PPP4R2: variants seen among roughly 807,000 people sequenced by gnomAD.
The protein encoded by PPP4R2 is serine/threonine-protein phosphatase 4 regulatory subunit 2.
A neutral mutation model predicts 47.2 loss-of-function variants in PPP4R2; 13 were observed. That is an observed-to-expected ratio of 0.28 (90% CI 0.18 to 0.44). PPP4R2 has a LOEUF of 0.44. Among genes scored for constraint, PPP4R2 ranks in the 20% least tolerant of loss-of-function variants. The probability of loss-of-function intolerance (pLI) is 1.00; values close to 1 mark genes in which losing one functional copy is unlikely to be tolerated. For synonymous variants in PPP4R2, 151 were observed against 163.3 expected, an observed-to-expected ratio of 0.92 and a Z score of 0.57; for missense variants, 421 against 491.2, an observed-to-expected ratio of 0.86 and a Z score of 1.35.
At chr3:73,060,867 G>GTA (rs1702844010) in intron 4 of PPP4R2, among the ~76,000 whole-genome samples, 156 bp from the exon 5 acceptor site, 1 of 151,986 alleles carries the variant, frequency 6.6e-6, no homozygotes, top group Non-Finnish European at 1.5e-5. Context: ...AGTTTTTGCT[G>GTA]TTTCACCAGT....
intron 2 of PPP4R2, among the ~76,000 whole-genome samples, chr3:73,029,318 C>G (rs1471732227): frequency 1.3e-5 from 2 of 152,156 alleles, no homozygotes; most frequent in Admixed American, 6.5e-5. Flanking sequence ...AATGGCTGTG[C>G]TGAAAATATA....
At chr3:73,047,865 C>T (rs7613258) in intron 3 of PPP4R2, among the ~76,000 whole-genome samples, 80,156 of 151,880 alleles carry the variant, frequency 0.53, 21,512 homozygotes, top group African/African-American at 0.62. Flanking sequence ...TAAAACTCCC[C>T]GGTTTTTTTG....
At chr3:73,034,018 G>A (rs1056678996) in intron 2 of PPP4R2, among the ~76,000 whole-genome samples, 1 of 152,200 alleles carries the variant, frequency 6.6e-6, no homozygotes, top group Non-Finnish European at 1.5e-5. Flanking sequence ...GTTCCCATCA[G>A]CAGTGCCCAT....
rs755800003 is a variant in PPP4R2 at position 73,059,088 on chromosome 3, A to C, written c.339A>C (p.Arg113Ser). ...RLCELLTDPR[R>S]NYTGTDKFLR... ...GTGAATTGTTAACAGATCCAAGGAG[A>C]AACTATACAGGAACAGACAAATTTC... The change falls in exon 4 of 9, where the codon AGA becomes AGC. Residue 113 changes from arginine (R) to serine (S), a missense_variant. Arg to Ser is a moderately radical substitution (Grantham distance 110). Around this residue, in one of 2 missense-constraint regions of PPP4R2, gnomAD observed 104 missense variants for 203.7 expected, o/e 0.51. Transcript: ENST00000356692. 2 of 1,592,426 alleles carry C rather than the reference A, an allele frequency of 1.3e-6. No individual in the cohort carries two copies. The highest frequency in any genetic ancestry group is 1.1e-5 in the South Asian group (1 of 87,898).
At chr3:73,062,076 C>T in intron 5 of PPP4R2, 1 of 1,528,588 alleles carries the variant, frequency 6.5e-7, no homozygotes, top group Middle Eastern at 2.3e-4. Flanking sequence ...GTCATAGCGA[C>T]TAATAATGGG....
In PPP4R2 at chr3:73,066,627, G is replaced by C. The variant is rs1703002366; in HGVS notation, c.*905G>C. 6.6e-6 allele frequency: 1 copy of C among 152,042 alleles called. No individual in the cohort carries two copies. Among genetic ancestry groups the C allele is most frequent in the South Asian group, 2.1e-4 (1 of 4,832 alleles). The allele number at this position is 152,042 out of a possible 1,614,324, so 9.4% of individuals were successfully genotyped here. A position where few individuals can be genotyped will look rare whatever the true frequency, so the allele number is the denominator to read the frequency against. The stretch of plus-strand genomic sequence containing the variant: ...AAGCTGATATGAGACCATCTCAGAA[G>C]AACCAAGTAGGTTCCTTGACCTTTT... On this transcript the variant is annotated 3_prime_UTR_variant, in exon 9 of 9. Coordinates refer to ENST00000356692, the MANE Select transcript of PPP4R2 (RefSeq NM_174907.4).
chr3:73,002,398 G>C (rs1701486322), intron 2 of PPP4R2, among the ~76,000 whole-genome samples: 1 of 152,056 alleles, frequency 6.6e-6, no homozygotes, highest in Non-Finnish European at 1.5e-5. Context: ...CTTACAGATA[G>C]GGTACATGCC....
Position 73,032,027 on chromosome 3 carries a change from G to A in PPP4R2, c.117-15159G>A, listed in dbSNP as rs138316096. ...GTTATCTGCCTTAGGCCCTACAAAT[G>A]AGAAAGTGTTTGAAATACCTGGTCA... On this transcript the variant is annotated intron_variant, in intron 2 of 8. Transcript: ENST00000356692. 8.5e-5 allele frequency among the ~76,000 whole-genome samples: 13 copies of A among 152,326 alleles called. No individual in the cohort carries two copies. The East Asian group carries it at 2.1e-3, about 25-fold the overall frequency.
intron 2 of PPP4R2, among the ~76,000 whole-genome samples, chr3:73,005,586 C>T (rs1346388283): frequency 2.6e-5 from 4 of 151,832 alleles, no homozygotes; most frequent in Non-Finnish European, 5.9e-5. Context: ...CGGTGGCTCA[C>T]GCCTGTAATC....
rs959422693 is a variant in PPP4R2 at position 73,067,523 on chromosome 3, C to T, written c.*1801C>T. ...AAAATCTGAATATTGATTTACTATACCCAAGAGGGGAGAAAAATTAACCAT... is the reference window on the plus strand; with the variant it reads ...AAAATCTGAATATTGATTTACTATATCCAAGAGGGGAGAAAAATTAACCAT... On this transcript the variant is annotated 3_prime_UTR_variant, in exon 9 of 9. Coordinates refer to ENST00000356692, the MANE Select transcript of PPP4R2 (RefSeq NM_174907.4). 1.3e-5 allele frequency: 2 copies of T among 151,954 alleles called. No homozygotes were observed. Among genetic ancestry groups the T allele is most frequent in the Non-Finnish European group, 2.9e-5 (2 of 67,956 alleles). 9.4% of individuals were successfully genotyped at this position (151,954 alleles called of 1,614,324 possible).
At position 73,063,338 on chromosome 3, in the gene PPP4R2, A is replaced by AG. The variant is rs1553652016; in HGVS notation, c.420-335_420-334insG. ...TTATTTAAAAAAAAAAAAAAAAAAA[A>AG]AAGTCCAGGTGTGGTGGCTTAACGC... On this transcript the variant is annotated intron_variant, in intron 5 of 8. Transcript: ENST00000356692. The AG allele has an allele frequency of 3.3e-3, 578 of 172,678 alleles. 7 individuals carry two copies. Among genetic ancestry groups the AG allele is most frequent in the South Asian group, 9.0e-3 (56 of 6,206 alleles). 10.7% of individuals were successfully genotyped at this position (172,678 alleles called of 1,614,324 possible).
chr3:73,048,363 C>T (rs1169445046), intron 3 of PPP4R2, among the ~76,000 whole-genome samples: 1 of 152,172 alleles, frequency 6.6e-6, no homozygotes, highest in Non-Finnish European at 1.5e-5. Context: ...AGCAATTCTG[C>T]CTCAGCCCCC....
intron 7 of PPP4R2, 151 bp from the exon 8 acceptor site, chr3:73,064,701 A>T (rs1453776396): frequency 1.4e-6 from 1 of 716,464 alleles, no homozygotes. Context: ...GTTTACCTTG[A>T]AATTATTCTC....
intron 3 of PPP4R2, among the ~76,000 whole-genome samples, 159 bp downstream of exon 3, chr3:73,047,515 A>G (rs1023178162): frequency 2.6e-5 from 4 of 152,246 alleles, no homozygotes; most frequent in African/African-American, 7.2e-5. Flanking sequence ...GCTTACAACT[A>G]TTTAAAATAT....
chr3:73,062,045 G>T, intron 5 of PPP4R2: 1 of 1,434,972 alleles, frequency 7.0e-7, no homozygotes, highest in South Asian at 1.4e-5. Flanking sequence ...TTGGAAAAAT[G>T]GTAAAGAAGT....
chr3:73,034,846 T>TA (rs57719588), intron 2 of PPP4R2, among the ~76,000 whole-genome samples: 68,864 of 147,044 alleles, frequency 0.47, 15,987 homozygotes, highest in South Asian at 0.61. Flanking sequence ...GTTTTGTTCT[T>TA]AAAAAAAAAA....
At chr3:73,047,393 A>G in intron 3 of PPP4R2, 37 bp downstream of exon 3, 1 of 1,369,086 alleles carries the variant, frequency 7.3e-7, no homozygotes, top group Non-Finnish European at 1.0e-6. Flanking sequence ...TTTAATTTTT[A>G]GCAGAAGATG....
At chr3:73,061,241 G>C in intron 5 of PPP4R2, 181 bp downstream of exon 5, 1 of 314,194 alleles carries the variant, frequency 3.2e-6, no homozygotes, top group Non-Finnish European at 5.7e-6. Context: ...TTATCTATAT[G>C]TTTTTTCCAT....
intron 2 of PPP4R2, among the ~76,000 whole-genome samples, chr3:73,008,691 T>C (rs1701663690): frequency 6.6e-6 from 1 of 152,234 alleles, no homozygotes; most frequent in Non-Finnish European, 1.5e-5. Context: ...TCAACTGTTG[T>C]GAGGACTTGA....
Sources: gnomAD v4.1 joint callset for allele counts (sites outside exome capture counted in the v4.1 genomes callset) on GRCh38, gnomAD v4.1.1 for gene constraint, gnomAD v4.1.1 regional missense constraint, MANE v1.5 for transcripts, NCBI Gene and HGNC (gene_info 2026-07-23, HGNC 2026-07-21) for gene names.